SORCS3: variants seen among roughly 807,000 people sequenced by gnomAD.
SORCS3 encodes VPS10 domain-containing receptor SorCS3.
Under a neutral mutation model 146.3 loss-of-function variants are expected in SORCS3, and 57 were observed. The observed-to-expected ratio is 0.39, with a 90% CI of 0.31 to 0.49. The LOEUF is 0.49. Among genes scored for constraint, SORCS3 ranks in the 20% least tolerant of loss-of-function variants. The pLI, the probability that SORCS3 is intolerant of heterozygous loss-of-function variation, is 0.92. For missense variants in SORCS3, 1,341 were observed against 1,575.5 expected (o/e 0.85, Z 2.52); for synonymous variants, 653 against 618.5 (o/e 1.06, Z -0.83).
At chr10:105,040,797 T>A (rs2055333218) in intron 4 of SORCS3, among the ~76,000 whole-genome samples, 1 of 152,004 alleles carries the variant, frequency 6.6e-6, no homozygotes, top group Admixed American at 6.6e-5. Context: ...TACTTACTCA[T>A]GTACTGAGAG....
At chr10:104,903,750 T>C (rs538902282) in intron 2 of SORCS3, among the ~76,000 whole-genome samples, 1 of 152,162 alleles carries the variant, frequency 6.6e-6, no homozygotes, top group Non-Finnish European at 1.5e-5. Context: ...TAAACTCTTA[T>C]TTTCTTATGA....
At chr10:105,164,457 C>A (rs2056295591) in intron 12 of SORCS3, 78 bp downstream of exon 12, 1 of 1,021,976 alleles carries the variant, frequency 9.8e-7, no homozygotes, top group East Asian at 2.4e-5. Flanking sequence ...CCTATAGATT[C>A]TCAGCCTCAT....
chr10:105,063,218 TC>T (rs1297523744), intron 5 of SORCS3, among the ~76,000 whole-genome samples: 1 of 152,182 alleles, frequency 6.6e-6, no homozygotes, highest in Non-Finnish European at 1.5e-5. Flanking sequence ...TGACTAAGAA[TC>T]CTTCCTTTCT....
In SORCS3 at chr10:105,223,242, G is replaced by A. The variant is rs2056715247; in HGVS notation, c.2861G>A (p.Ser954Asn). The A allele has an allele frequency of 1.2e-6, 2 of 1,610,726 alleles. No individual in the cohort carries two copies. The highest frequency in any genetic ancestry group is 1.7e-6 in the Non-Finnish European group (2 of 1,177,742). The change falls in exon 20 of 27, where the codon AGC becomes AAC. Residue 954 changes from serine (S) to asparagine (N), a missense_variant. By Grantham distance (46) the Ser-to-Asn change is conservative (BLOSUM62 1). Coordinates refer to ENST00000369701, the MANE Select transcript of SORCS3 (RefSeq NM_014978.3). ...ACCTATTTCTGGTGGTTCGGCAATA[G>A]CACAAAGGTTTGGCCCTTTCTGATT... ...TLTYFWWFGN[S>N]TKPLITLDSS...
intron 2 of SORCS3, among the ~76,000 whole-genome samples, chr10:104,847,328 A>G (rs922680206): frequency 6.6e-6 from 1 of 152,134 alleles, no homozygotes; most frequent in African/African-American, 2.4e-5. Flanking sequence ...TGATTGGCAG[A>G]TCGTTTCTTG....
chr10:104,935,054 A>G (rs1204135567), intron 3 of SORCS3, among the ~76,000 whole-genome samples: 1 of 152,180 alleles, frequency 6.6e-6, no homozygotes, highest in African/African-American at 2.4e-5. Context: ...AAGCAATAGT[A>G]AATAATAGCC....
At chr10:104,895,550 T>G (rs1039555566) in intron 2 of SORCS3, among the ~76,000 whole-genome samples, 6 of 152,204 alleles carry the variant, frequency 3.9e-5, no homozygotes, top group Non-Finnish European at 2.9e-5. Context: ...TGCTCCAGCA[T>G]CCCTCAGCTC....
chr10:104,653,783 C>G (rs544723975), intron 1 of SORCS3, among the ~76,000 whole-genome samples: 2 of 152,170 alleles, frequency 1.3e-5, no homozygotes, highest in Non-Finnish European at 2.9e-5. Flanking sequence ...TCCATTCAAG[C>G]AGTTATCATT....
intron 1 of SORCS3, among the ~76,000 whole-genome samples, chr10:104,826,240 T>G (rs757792523): frequency 2.0e-5 from 3 of 152,202 alleles, no homozygotes; most frequent in Non-Finnish European, 4.4e-5. Flanking sequence ...TAGTAGGTCC[T>G]CAGTAAATGT....
chr10:104,794,726 A>G (rs1246189632), intron 1 of SORCS3, among the ~76,000 whole-genome samples: 2 of 152,172 alleles, frequency 1.3e-5, no homozygotes, highest in Non-Finnish European at 2.9e-5. Flanking sequence ...CATATAGCAT[A>G]TGCCTTCTCA....
rs140482934 is a variant in SORCS3, at chr10:104,939,595, A to G, written c.795+23663A>G. Among the ~76,000 whole-genome samples, 556 of 152,242 alleles carry G rather than the reference A, an allele frequency of 3.7e-3. 4 individuals are homozygous for G. Among genetic ancestry groups the G allele is most frequent in the African/African-American group, 0.012 (512 of 41,556 alleles). ...GAGACATTTTTAATCCTTTGGGTGG[A>G]ATTACCACTGGGGAAGAGGGAGGTC... On this transcript the variant is annotated intron_variant, in intron 3 of 26. Coordinates refer to ENST00000369701, the MANE Select transcript of SORCS3 (RefSeq NM_014978.3).
chr10:105,135,232 CAGATT>C (rs2056051013), intron 7 of SORCS3, among the ~76,000 whole-genome samples: 1 of 152,218 alleles, frequency 6.6e-6, no homozygotes, highest in Non-Finnish European at 1.5e-5. Context: ...GTAGCTGTGA[CAGATT>C]AGAGTCCATG....
intron 1 of SORCS3, among the ~76,000 whole-genome samples, chr10:104,655,185 G>A (rs370277786): frequency 9.9e-5 from 15 of 151,710 alleles, no homozygotes; most frequent in African/African-American, 3.1e-4. Context: ...CCGGGGAGGC[G>A]GAGGTTGCAG....
At chr10:105,208,729 A>G (rs145686110) in intron 16 of SORCS3, among the ~76,000 whole-genome samples, 1,645 of 152,018 alleles carry the variant, frequency 0.011, 32 homozygotes, top group African/African-American at 0.038. Flanking sequence ...TTGAAATTTC[A>G]TACAGTTTCA....
At chr10:104,806,127 G>A (rs997098385) in intron 1 of SORCS3, among the ~76,000 whole-genome samples, 3 of 152,192 alleles carry the variant, frequency 2.0e-5, no homozygotes, top group Admixed American at 6.5e-5. Context: ...CAGAAGCACA[G>A]AGAGGCCAAG....
At chr10:105,051,898 G>A (rs1420192836) in intron 5 of SORCS3, among the ~76,000 whole-genome samples, 1 of 152,144 alleles carries the variant, frequency 6.6e-6, no homozygotes, top group African/African-American at 2.4e-5. Context: ...AAATGTGAAA[G>A]CTCAGCTTGC....
At chr10:104,661,538 C>G (rs1156889423) in intron 1 of SORCS3, among the ~76,000 whole-genome samples, 1 of 152,180 alleles carries the variant, frequency 6.6e-6, no homozygotes, top group Non-Finnish European at 1.5e-5. Context: ...GACATTGTGA[C>G]TTAGTTTTGG....
At chr10:105,149,630 A>G (rs761455075) in intron 9 of SORCS3, among the ~76,000 whole-genome samples, 6 of 152,180 alleles carry the variant, frequency 3.9e-5, no homozygotes, top group East Asian at 1.9e-4. Flanking sequence ...AAGTAAAGCC[A>G]TAGAGATAAG....
intron 11 of SORCS3, among the ~76,000 whole-genome samples, chr10:105,160,514 C>T (rs2056253262): frequency 1.3e-5 from 2 of 152,064 alleles, no homozygotes; most frequent in Admixed American, 6.6e-5. Flanking sequence ...GTAGTCCCAC[C>T]TACTAGGGAG....
Sources: allele counts gnomAD v4.1 joint callset (sites outside exome capture counted in the v4.1 genomes callset), GRCh38; gene constraint gnomAD v4.1.1; transcripts MANE v1.5; gene names NCBI Gene and HGNC (gene_info 2026-07-23, HGNC 2026-07-21).